AGPAT4: variants seen among roughly 807,000 people sequenced by gnomAD.
AGPAT4 encodes the protein 1-acylglycerol-3-phosphate O-acyltransferase 4.
Under a neutral mutation model 48.0 loss-of-function variants are expected in AGPAT4, and 15 were observed. The observed-to-expected ratio is 0.31, with a 90% confidence interval of 0.21 to 0.48. The LOEUF (loss-of-function observed/expected upper bound fraction) is 0.48. Among genes scored for constraint, AGPAT4 ranks in the 20% least tolerant of loss-of-function variants. AGPAT4 has a pLI of 0.99. For missense variants in AGPAT4, 314 were observed against 482.5 expected (o/e 0.65, Z 3.27); for synonymous variants, 178 against 198.7 (o/e 0.90, Z 0.88).
rs1337290343 is a variant in AGPAT4, at chr6:161,206,825, A to C, written c.178+25211T>G. Among the ~76,000 whole-genome samples, 3 of 152,196 alleles carry C rather than the reference A, an allele frequency of 2.0e-5. No individual in the cohort carries two copies. In the East Asian group the frequency reaches 5.8e-4, roughly 29 times the overall value. ...AAATAAAAAAAAAGTCTTCACAAAC[A>C]AAAAAAGGTTTTCAAAAAAAGAACC... On this transcript the variant is annotated intron_variant, in intron 2 of 8. Transcript: ENST00000320285. The surrounding 1 kb of genome is among the most constrained non-coding windows in gnomAD (Gnocchi z 4.8).
At chr6:161,187,812 G>C (rs1416578848) in intron 2 of AGPAT4, among the ~76,000 whole-genome samples, 1 of 152,084 alleles carries the variant, frequency 6.6e-6, no homozygotes, top group Non-Finnish European at 1.5e-5. Context: ...CCAAAGTGCT[G>C]GGCTTACAGG....
chr6:161,236,836 A>G lies in AGPAT4; in HGVS notation c.-89-4534T>C, dbSNP rs1280387305. On this transcript the variant is annotated intron_variant, in intron 1 of 8. Coordinates refer to ENST00000320285, the MANE Select transcript of AGPAT4 (RefSeq NM_020133.3). The surrounding 1 kb of genome is among the most constrained non-coding windows in gnomAD (Gnocchi z 5.0). Reference sequence around the variant, plus strand: ...CGAATCACTTAAACCTGGGAGGCAGAGGTTGCAGTGAGCCGAGATTGTGCC... The same window carrying G: ...CGAATCACTTAAACCTGGGAGGCAGGGGTTGCAGTGAGCCGAGATTGTGCC... 6.6e-6 allele frequency among the ~76,000 whole-genome samples: 1 copy of G among 152,116 alleles called. No homozygotes were observed. Among genetic ancestry groups the G allele is most frequent in the African/African-American group, 2.4e-5 (1 of 41,440 alleles).
At position 161,236,447 on chromosome 6, in the gene AGPAT4, T is replaced by C. The variant is rs751633056; in HGVS notation, c.-89-4145A>G. Among the ~76,000 whole-genome samples, 3 of 152,064 alleles carry C rather than the reference T, an allele frequency of 2.0e-5. No homozygotes were observed. The highest frequency in any genetic ancestry group is 6.5e-5 in the Admixed American group (1 of 15,272). ...GTTTAACCTTTACTTTTTCCTGAAA[T>C]TCACCCCATGACCTTGAGACACCCT... On this transcript the variant is annotated intron_variant, in intron 1 of 8. Coordinates refer to ENST00000320285, the MANE Select transcript of AGPAT4 (RefSeq NM_020133.3). This position sits in a 1 kb window ranked among gnomAD's most constrained non-coding sequence, Gnocchi z 5.0.
At position 161,143,054 on chromosome 6, in the gene AGPAT4, G is replaced by T. The variant is rs764780024; in HGVS notation, c.844-3434C>A. ...TCCCGACCTTGGCCTCCACAGGACG[G>T]CTCTGAATGTAGCTGTCCTTCACTT... On this transcript the variant is annotated intron_variant, in intron 7 of 8. Coordinates refer to ENST00000320285, the MANE Select transcript of AGPAT4 (RefSeq NM_020133.3). This position sits in a 1 kb window ranked among gnomAD's most constrained non-coding sequence, Gnocchi z 4.7. 6.6e-6 allele frequency among the ~76,000 whole-genome samples: 1 copy of T among 152,164 alleles called. No homozygotes were observed. Among genetic ancestry groups the T allele is most frequent in the Non-Finnish European group, 1.5e-5 (1 of 68,022 alleles).
In AGPAT4 at chr6:161,229,674, G is replaced by A. The variant is rs1200347826; in HGVS notation, c.178+2362C>T. Among the ~76,000 whole-genome samples the A allele has an allele frequency of 6.6e-6, 1 of 152,136 alleles. No homozygotes were observed. Among genetic ancestry groups the A allele is most frequent in the Non-Finnish European group, 1.5e-5 (1 of 68,018 alleles). On this transcript the variant is annotated intron_variant, in intron 2 of 8. Transcript: ENST00000320285. The surrounding 1 kb of genome is among the most constrained non-coding windows in gnomAD (Gnocchi z 6.0). ...GCTTATCACCATGAGGTGCCCACGA[G>A]CCACCCAGGATCATCACCCTCCCTT...
In AGPAT4 at chr6:161,274,004, C is replaced by T. The variant is rs1003844072; in HGVS notation, c.-156G>A. On this transcript the variant is annotated 5_prime_UTR_variant, in exon 1 of 9. Coordinates refer to ENST00000320285, the MANE Select transcript of AGPAT4 (RefSeq NM_020133.3). This position sits in a 1 kb window ranked among gnomAD's most constrained non-coding sequence, Gnocchi z 4.5. ...AAGCTGAGATGGAGCCGGCTGGGTT[C>T]AGAAATTGCCACTAGTTTATAAGAG... 2 of 151,214 alleles carry T rather than the reference C, an allele frequency of 1.3e-5. No individual in the cohort carries two copies. Among genetic ancestry groups the T allele is most frequent in the Non-Finnish European group, 2.9e-5 (2 of 67,986 alleles). 9.4% of individuals were successfully genotyped at this position (151,214 alleles called of 1,614,324 possible). A position where few individuals can be genotyped will look rare whatever the true frequency, so the allele number is the denominator to read the frequency against.
At position 161,257,279 on chromosome 6, in the gene AGPAT4, C is replaced by T. The variant is rs141110466; in HGVS notation, c.-90+16659G>A. ...ACCAGTCCCGGCTCCATGCATGCCA[C>T]GGGTGGATCTCAAGCATATTATGCT... On this transcript the variant is annotated intron_variant, in intron 1 of 8. Transcript: ENST00000320285. Among the ~76,000 whole-genome samples the T allele has an allele frequency of 3.0e-4, 45 of 152,298 alleles. No individual in the cohort carries two copies. The East Asian group carries it at 7.9e-3, about 27-fold the overall frequency.
Position 161,149,276 on chromosome 6 carries a change from A to C in AGPAT4, c.678T>G (p.Tyr226Ter), listed in dbSNP as rs753322144. 6.2e-7 allele frequency: 1 copy of C among 1,611,184 alleles called. No homozygotes were observed. Among genetic ancestry groups the C allele is most frequent in the Admixed American group, 1.7e-5 (1 of 59,546 alleles). Reference protein sequence around the residue: ...RSLRNVVSAVYDCTLNFRNNE... With the variant: ...RSLRNVVSAV ...TATTTCTGAAATTGAGTGTACAGTC[A>C]TATACAGCTGAAACTATAAAAAATA... The change falls in exon 6 of 9, where the codon TAT becomes TAG. Residue 226 changes from tyrosine (Y) to a stop codon, truncating the protein, a stop_gained. Coordinates refer to ENST00000320285, the MANE Select transcript of AGPAT4 (RefSeq NM_020133.3). LOFTEE classifies it high-confidence loss of function. The surrounding 1 kb of genome is among the most constrained non-coding windows in gnomAD (Gnocchi z 6.5).
Position 161,242,664 on chromosome 6 carries a change from CA to C in AGPAT4, c.-89-10363del, listed in dbSNP as rs1782525813. 6.6e-6 allele frequency among the ~76,000 whole-genome samples: 1 copy of C among 152,058 alleles called. No homozygotes were observed. Among genetic ancestry groups the C allele is most frequent in the African/African-American group, 2.4e-5 (1 of 41,406 alleles). ...AATTATGCTCAGTCTGTGAAGTCTC[CA>C]AAAAATTTTATCAACTCCTGATGAA... On this transcript the variant is annotated intron_variant, in intron 1 of 8. Transcript: ENST00000320285. This position sits in a 1 kb window ranked among gnomAD's most constrained non-coding sequence, Gnocchi z 5.0.
In AGPAT4 at chr6:161,135,405, A is replaced by G. The variant is rs1476825189; in HGVS notation, c.*1135T>C. The G allele has an allele frequency of 6.6e-6, 1 of 152,218 alleles. No homozygotes were observed. Among genetic ancestry groups the G allele is most frequent in the East Asian group, 1.9e-4 (1 of 5,190 alleles). 9.4% of individuals were successfully genotyped at this position (152,218 alleles called of 1,614,324 possible). A position where few individuals can be genotyped will look rare whatever the true frequency, so the allele number is the denominator to read the frequency against. The stretch of plus-strand genomic sequence containing the variant: ...TTGCATTTTTGGCACCTGTTGGCTG[A>G]CAGCAGTCTGCAAAGGCCGCTGGAG... On this transcript the variant is annotated 3_prime_UTR_variant, in exon 9 of 9. Coordinates refer to ENST00000320285, the MANE Select transcript of AGPAT4 (RefSeq NM_020133.3).
rs1780087401 is a variant in AGPAT4, at chr6:161,166,052, C to T, written c.348+196G>A. 1 of 690,450 alleles carries T rather than the reference C, an allele frequency of 1.4e-6. No individual in the cohort carries two copies. 42.8% of individuals were successfully genotyped at this position (690,450 alleles called of 1,614,324 possible). A position where few individuals can be genotyped will look rare whatever the true frequency, so the allele number is the denominator to read the frequency against. On this transcript the variant is annotated intron_variant, in intron 3 of 8. Coordinates refer to ENST00000320285, the MANE Select transcript of AGPAT4 (RefSeq NM_020133.3). This position sits in a 1 kb window ranked among gnomAD's most constrained non-coding sequence, Gnocchi z 6.7. ...GCCGGCAGGTAGCAATTGTTGAGTA[C>T]CTCTTATGATTGCCCATAAGAAGCT... is the stretch of plus-strand genomic sequence containing the variant.
rs1049103984 is a variant in AGPAT4 at position 161,146,114 on chromosome 6, G to T, written c.843+410C>A. ...CCAGCCAAGACCAAGGTGGATCCTTGTAGGGCTTTATCCTGCTTATTCTGG... is the reference window on the plus strand; with the variant it reads ...CCAGCCAAGACCAAGGTGGATCCTTTTAGGGCTTTATCCTGCTTATTCTGG... On this transcript the variant is annotated intron_variant, in intron 7 of 8. Transcript: ENST00000320285. This position sits in a 1 kb window ranked among gnomAD's most constrained non-coding sequence, Gnocchi z 7.1. Among the ~76,000 whole-genome samples the T allele has an allele frequency of 1.3e-5, 2 of 151,634 alleles. No homozygotes were observed. Among genetic ancestry groups the T allele is most frequent in the Non-Finnish European group, 2.9e-5 (2 of 68,046 alleles).
rs1292449199 is a variant in AGPAT4 at position 161,219,988 on chromosome 6, T to C, written c.178+12048A>G. Among the ~76,000 whole-genome samples, 2 of 150,742 alleles carry C rather than the reference T, an allele frequency of 1.3e-5. No homozygotes were observed. Among genetic ancestry groups the C allele is most frequent in the Non-Finnish European group, 1.5e-5 (1 of 67,854 alleles). On this transcript the variant is annotated intron_variant, in intron 2 of 8. Coordinates refer to ENST00000320285, the MANE Select transcript of AGPAT4 (RefSeq NM_020133.3). This position sits in a 1 kb window ranked among gnomAD's most constrained non-coding sequence, Gnocchi z 4.9. ...CAGACAGGCAGGCAGATAGATACAT[T>C]TAAAAAATAAATGGATTATTACTCA...
Position 161,206,362 on chromosome 6 carries a change from A to G in AGPAT4, c.178+25674T>C, listed in dbSNP as rs572321716. ...ACCCTTTTCCTCAACACAATAAAGC[A>G]CTCCCTCCCCTCCCAGCCAGCACAC... On this transcript the variant is annotated intron_variant, in intron 2 of 8. Transcript: ENST00000320285. The surrounding 1 kb of genome is among the most constrained non-coding windows in gnomAD (Gnocchi z 4.8). 6.6e-6 allele frequency among the ~76,000 whole-genome samples: 1 copy of G among 150,512 alleles called. No individual in the cohort carries two copies. The highest frequency in any genetic ancestry group is 1.9e-4 in the East Asian group (1 of 5,148).
At position 161,130,242 on chromosome 6, in the gene AGPAT4, A is replaced by G. The variant is rs965915042; in HGVS notation, c.*6298T>C. ...CTCAAAGACTAGCATGGTTCTGTCCAATACCTTGCTCTAATTCCAATTCAT... is the reference window on the plus strand; with the variant it reads ...CTCAAAGACTAGCATGGTTCTGTCCGATACCTTGCTCTAATTCCAATTCAT... On this transcript the variant is annotated 3_prime_UTR_variant, in exon 9 of 9. Transcript: ENST00000320285. 2.6e-4 allele frequency: 39 copies of G among 152,508 alleles called. No individual in the cohort carries two copies. Among genetic ancestry groups the G allele is most frequent in the African/African-American group, 8.2e-4 (34 of 41,458 alleles). The allele number at this position is 152,508 out of a possible 1,614,324, so 9.4% of individuals were successfully genotyped here.
Position 161,222,391 on chromosome 6 carries a change from C to T in AGPAT4, c.178+9645G>A, listed in dbSNP as rs552045839. Reference sequence around the variant, plus strand: ...TAATAAGACAATTTTCTAAAATCATCTCTAATTCCTAAAAATAGCACTTTG... The same window carrying T: ...TAATAAGACAATTTTCTAAAATCATTTCTAATTCCTAAAAATAGCACTTTG... On this transcript the variant is annotated intron_variant, in intron 2 of 8. Coordinates refer to ENST00000320285, the MANE Select transcript of AGPAT4 (RefSeq NM_020133.3). This position sits in a 1 kb window ranked among gnomAD's most constrained non-coding sequence, Gnocchi z 5.9. Among the ~76,000 whole-genome samples, 4 of 152,230 alleles carry T rather than the reference C, an allele frequency of 2.6e-5. No individual in the cohort carries two copies. The highest frequency in any genetic ancestry group is 9.6e-5 in the African/African-American group (4 of 41,530).
rs1426588963 is a variant in AGPAT4, at chr6:161,133,089, G to A, written c.*3451C>T. 6.6e-6 allele frequency: 1 copy of A among 152,210 alleles called. No individual in the cohort carries two copies. The highest frequency in any genetic ancestry group is 2.4e-5 in the African/African-American group (1 of 41,458). The allele number at this position is 152,210 out of a possible 1,614,324, so 9.4% of individuals were successfully genotyped here. A position where few individuals can be genotyped will look rare whatever the true frequency, so the allele number is the denominator to read the frequency against. ...GGATTAAATCTCTTGAGCAGAAGTAGAGACCCTAGAGAATCTTCACTGGAT... is the reference window on the plus strand; with the variant it reads ...GGATTAAATCTCTTGAGCAGAAGTAAAGACCCTAGAGAATCTTCACTGGAT... On this transcript the variant is annotated 3_prime_UTR_variant, in exon 9 of 9. Transcript: ENST00000320285.
In AGPAT4 at chr6:161,142,161, CTT is replaced by C. The variant is rs1779273904; in HGVS notation, c.844-2543_844-2542del. Among the ~76,000 whole-genome samples the C allele has an allele frequency of 6.6e-6, 1 of 152,228 alleles. No individual in the cohort carries two copies. The highest frequency in any genetic ancestry group is 6.5e-5 in the Admixed American group (1 of 15,278). ...GAGCCATTGCGCCCAGCCCCATTCA[CTT>C]TAAAGTTTTCTTTGTCTGTGGTTTA... On this transcript the variant is annotated intron_variant, in intron 7 of 8. Transcript: ENST00000320285. The surrounding 1 kb of genome is among the most constrained non-coding windows in gnomAD (Gnocchi z 6.4).
Position 161,234,436 on chromosome 6 carries a change from G to A in AGPAT4, c.-89-2134C>T, listed in dbSNP as rs898189174. Among the ~76,000 whole-genome samples the A allele has an allele frequency of 1.3e-5, 2 of 151,946 alleles. No individual in the cohort carries two copies. The highest frequency in any genetic ancestry group is 1.5e-5 in the Non-Finnish European group (1 of 68,012). ...TGAATCATCACATCTCTGGCCTTTCGCAGACGGCATTTCCACAGATATTTC... is the reference window on the plus strand; with the variant it reads ...TGAATCATCACATCTCTGGCCTTTCACAGACGGCATTTCCACAGATATTTC... On this transcript the variant is annotated intron_variant, in intron 1 of 8. Coordinates refer to ENST00000320285, the MANE Select transcript of AGPAT4 (RefSeq NM_020133.3). The surrounding 1 kb of genome is among the most constrained non-coding windows in gnomAD (Gnocchi z 4.4).
Sources: allele counts gnomAD v4.1 joint callset (sites outside exome capture counted in the v4.1 genomes callset), GRCh38; gene constraint gnomAD v4.1.1; non-coding constraint Gnocchi (gnomAD v3.1); transcripts MANE v1.5; gene names NCBI Gene and HGNC (gene_info 2026-07-23, HGNC 2026-07-21).